IL26: variants seen among roughly 807,000 people sequenced by gnomAD.
IL26 encodes interleukin 26.
In IL26, 23 loss-of-function variants were observed where a neutral mutation model predicts 21.7. The ratio of observed to expected loss-of-function variants is 1.06; its 90% CI spans 0.76 to 1.50. The LOEUF (loss-of-function observed/expected upper bound fraction) is 1.50. Among genes scored for constraint, IL26 ranks in the 40% most tolerant of loss-of-function variants. The probability of loss-of-function intolerance (pLI) is 0.00; values close to 1 mark genes in which losing one functional copy is unlikely to be tolerated. For missense variants in IL26, 204 were observed against 196.0 expected (o/e 1.04, Z -0.24); for synonymous variants, 63 against 67.8 (o/e 0.93, Z 0.34).
At chr12:68,204,454 A>G (rs539358916) in intron 3 of IL26, among the ~76,000 whole-genome samples, 1 of 152,218 alleles carries the variant, frequency 6.6e-6, no homozygotes, top group East Asian at 1.9e-4. Context: ...GGATTTAAAG[A>G]TTTAACACTG....
intron 3 of IL26, among the ~76,000 whole-genome samples, chr12:68,218,948 G>A (rs960261280): frequency 1.1e-4 from 16 of 151,790 alleles, no homozygotes; most frequent in Admixed American, 1.0e-3. Context: ...ATATTATTAG[G>A]GACAATAAGG....
intron 3 of IL26, among the ~76,000 whole-genome samples, chr12:68,223,884 G>GTTTTTTTTTTTTTTTTTTTTTTTTTTT (rs376115904): frequency 1.5e-5 from 2 of 132,272 alleles, no homozygotes; most frequent in Non-Finnish European, 3.2e-5. Flanking sequence ...AAATTTGGTG[G>GTTTTTTTTTTTTTTTTTTTTTTTTTTT]TTTTTTTTTT....
At chr12:68,224,712 G>T (rs528979728) in intron 3 of IL26, among the ~76,000 whole-genome samples, 2 of 144,006 alleles carry the variant, frequency 1.4e-5, no homozygotes, top group South Asian at 2.4e-4. Context: ...GAGGGAGGGA[G>T]GGAGAGGGAA....
Position 68,225,722 on chromosome 12 carries a change from A to G in IL26, c.35T>C (p.Leu12Pro). The change falls in exon 1 of 5, where the codon CTG (leucine) becomes CCG (proline). Residue 12 changes from leucine to proline, a missense_variant. Coordinates refer to ENST00000229134, the MANE Select transcript of IL26 (RefSeq NM_018402.2). ...AATGGCAAGAGACAGAGTGACTAAC[A>G]GCAACCCACACCTCAAAATGAAATT... ...LVNFILRCGLLLVTLSLAIAK... is the reference protein window; with the variant it reads ...LVNFILRCGLPLVTLSLAIAK... The G allele has an allele frequency of 6.2e-7, 1 of 1,614,034 alleles. No homozygotes were observed. The highest frequency in any genetic ancestry group is 1.7e-5 in the Admixed American group (1 of 60,010).
chr12:68,210,543 G>A (rs1445979085), intron 3 of IL26, among the ~76,000 whole-genome samples: 1 of 151,966 alleles, frequency 6.6e-6, no homozygotes, highest in Non-Finnish European at 1.5e-5. Flanking sequence ...TAAATTATTA[G>A]CCAAGTGTCT....
chr12:68,223,488 C>G (rs11570986), intron 3 of IL26, among the ~76,000 whole-genome samples: 1,973 of 152,286 alleles, frequency 0.013, 50 homozygotes, highest in African/African-American at 0.044. Flanking sequence ...TAGGTTATAA[C>G]TGTCGCTATG....
rs6144754 is a variant in IL26 at position 68,204,141 on chromosome 12, A to ATTTTTTTTTTTTTTTTTTTTTTTT, written c.364-2059_364-2058insAAAAAAAAAAAAAAAAAAAAAAAA. On this transcript the variant is annotated intron_variant, in intron 3 of 4. Coordinates refer to ENST00000229134, the MANE Select transcript of IL26 (RefSeq NM_018402.2). ...TAAAATCATGTGTTAGGATTCAAAG[A>ATTTTTTTTTTTTTTTTTTTTTTTT]TTTTTTTTTTTTTTTTTTTTGAGGC... 3.0e-3 allele frequency among the ~76,000 whole-genome samples: 345 copies of ATTTTTTTTTTTTTTTTTTTTTTTT among 113,138 alleles called. 8 individuals are homozygous for ATTTTTTTTTTTTTTTTTTTTTTTT. Among genetic ancestry groups the ATTTTTTTTTTTTTTTTTTTTTTTT allele is most frequent in the Non-Finnish European group, 4.5e-3 (254 of 56,778 alleles). 74.2% of individuals were successfully genotyped at this position (113,138 alleles called of 152,430 possible).
At chr12:68,202,444 G>A (rs966443141) in intron 3 of IL26, among the ~76,000 whole-genome samples, 6 of 152,076 alleles carry the variant, frequency 3.9e-5, no homozygotes, top group Admixed American at 1.3e-4. Flanking sequence ...ATAACTACCC[G>A]AGACTGGGTA....
At chr12:68,223,924 C>G (rs1592902463) in intron 3 of IL26, among the ~76,000 whole-genome samples, 1 of 121,924 alleles carries the variant, frequency 8.2e-6, no homozygotes, top group Non-Finnish European at 1.8e-5. Flanking sequence ...TCTTTTTAAC[C>G]TAGCCGATCT....
At chr12:68,210,136 A>T (rs11570949) in intron 3 of IL26, among the ~76,000 whole-genome samples, 13,483 of 151,868 alleles carry the variant, frequency 0.089, 1,115 homozygotes, top group African/African-American at 0.22. Context: ...GACAGATAAG[A>T]GATTCAACTA....
rs749059764 is a variant in IL26, at chr12:68,224,048, C to CT, written c.363+1100dup. Among the ~76,000 whole-genome samples, 15 of 147,004 alleles carry CT rather than the reference C, an allele frequency of 1.0e-4. No homozygotes were observed. In the East Asian group the frequency reaches 1.4e-3, roughly 14 times the overall value. The stretch of plus-strand genomic sequence containing the variant: ...CTCTTAAAAAATAAACACCCCCCCC[C>CT]TCTAATGGCCCAGTGTTTAAGTCTC... On this transcript the variant is annotated intron_variant, in intron 3 of 4. Transcript: ENST00000229134.
intron 3 of IL26, among the ~76,000 whole-genome samples, chr12:68,220,700 G>A (rs911520048): frequency 1.1e-4 from 17 of 152,190 alleles, no homozygotes; most frequent in South Asian, 1.0e-3. Flanking sequence ...GCAGTGGTGC[G>A]GTCTTGGCTC....
In IL26 at chr12:68,201,851, A is replaced by T. The variant is rs1180907274; in HGVS notation, c.510T>A (p.Ser170Arg). ...LSWIKKLLES[S>R]Q is the part of the protein sequence containing the mutation. ...CAATGTACTTGGCTTTGGTTTACTG[A>T]CTGCTTTCCAATAATTTTTTAATCC... The change falls in exon 5 of 5, where the codon AGT becomes AGA. Residue 170 changes from serine to arginine, a missense_variant. Ser to Arg is a moderately radical substitution (Grantham distance 110, BLOSUM62 -1). Coordinates refer to ENST00000229134, the MANE Select transcript of IL26 (RefSeq NM_018402.2). 19 of 1,587,224 alleles carry T rather than the reference A, an allele frequency of 1.2e-5. No individual in the cohort carries two copies. Among genetic ancestry groups the T allele is most frequent in the Non-Finnish European group, 1.6e-5 (19 of 1,169,842 alleles).
At chr12:68,208,862 G>C (rs1868621588) in intron 3 of IL26, among the ~76,000 whole-genome samples, 1 of 152,092 alleles carries the variant, frequency 6.6e-6, no homozygotes, top group African/African-American at 2.4e-5. Flanking sequence ...TGAGTCCCCT[G>C]CATCTGGAAT....
At chr12:68,220,435 T>TA (rs1869013659) in intron 3 of IL26, among the ~76,000 whole-genome samples, 3 of 152,184 alleles carry the variant, frequency 2.0e-5, no homozygotes, top group Admixed American at 2.0e-4. Flanking sequence ...GTCCAAAAAT[T>TA]AAAAATCATA....
At chr12:68,217,506 C>CT (rs1211977366) in intron 3 of IL26, among the ~76,000 whole-genome samples, 1 of 152,064 alleles carries the variant, frequency 6.6e-6, no homozygotes, top group Non-Finnish European at 1.5e-5. Flanking sequence ...TTTAACCTGG[C>CT]TTTCTTATAT....
chr12:68,215,328 T>C (rs564413316), intron 3 of IL26, among the ~76,000 whole-genome samples: 2 of 152,192 alleles, frequency 1.3e-5, no homozygotes, highest in East Asian at 3.9e-4. Context: ...GCCTGGCAGA[T>C]TGGGGGAGGG....
chr12:68,217,650 A>G (rs946375119), intron 3 of IL26, among the ~76,000 whole-genome samples: 3 of 152,172 alleles, frequency 2.0e-5, no homozygotes, highest in African/African-American at 7.2e-5. Context: ...GATCTAGACA[A>G]TAATTGTCAG....
intron 3 of IL26, among the ~76,000 whole-genome samples, chr12:68,224,573 ATTG>A (rs1035594431): frequency 6.2e-4 from 93 of 150,744 alleles, no homozygotes; most frequent in African/African-American, 2.2e-3. Flanking sequence ...GTTAGTTATT[ATTG>A]TTATGGGAAA....
Sources: allele counts gnomAD v4.1 joint callset (sites outside exome capture counted in the v4.1 genomes callset), GRCh38; gene constraint gnomAD v4.1.1; transcripts MANE v1.5; gene names NCBI Gene and HGNC (gene_info 2026-07-23, HGNC 2026-07-21).